MTARC2: variants seen among roughly 807,000 people sequenced by gnomAD.
The protein encoded by MTARC2 is mitochondrial amidoxime reducing component 2.
A neutral mutation model predicts 35.6 loss-of-function variants in MTARC2; 27 were observed. The observed-to-expected ratio is 0.76, with a 90% CI of 0.56 to 1.04. The LOEUF (loss-of-function observed/expected upper bound fraction) is 1.04, where lower values mean the gene tolerates loss of function less well. MTARC2 is among the 50% of genes least tolerant of loss of function. MTARC2 has a pLI of 0.00. For synonymous variants in MTARC2, 158 were observed against 167.1 expected, an observed-to-expected ratio of 0.95 and a Z score of 0.42; for missense variants, 412 against 432.5, an observed-to-expected ratio of 0.95 and a Z score of 0.42.
At chr1:220,762,471 G>GT (rs1367273025) in intron 3 of MTARC2, among the ~76,000 whole-genome samples, 1 of 152,202 alleles carries the variant, frequency 6.6e-6, no homozygotes, top group Non-Finnish European at 1.5e-5. Context: ...GAGGGCAGGG[G>GT]TTTTTATCTG....
intron 4 of MTARC2, among the ~76,000 whole-genome samples, chr1:220,777,269 T>C (rs1457813477): frequency 2.6e-5 from 4 of 152,154 alleles, no homozygotes; most frequent in Non-Finnish European, 1.5e-5. Context: ...TCATGCCCTG[T>C]AGGAGATTTC....
chr1:220,781,675 G>A (rs901409610), intron 6 of MTARC2, 103 bp from the exon 7 acceptor site: 5 of 1,212,780 alleles, frequency 4.1e-6, no homozygotes, highest in Non-Finnish European at 5.9e-6. Flanking sequence ...AATTCTTGCT[G>A]TGTATTTATA....
At chr1:220,772,826 G>T (rs1341701114) in intron 4 of MTARC2, among the ~76,000 whole-genome samples, 1 of 152,058 alleles carries the variant, frequency 6.6e-6, no homozygotes. Context: ...TTTGAAATAT[G>T]ACATTAAGGA....
In MTARC2 at chr1:220,748,712, T is replaced by A; in HGVS notation, c.181T>A (p.Trp61Arg). 6.3e-7 allele frequency: 1 copy of A among 1,598,190 alleles called. No individual in the cohort carries two copies. The highest frequency in any genetic ancestry group is 8.5e-7 in the Non-Finnish European group (1 of 1,172,826). ...LQQVGTVAKL[W>R]IYPVKSCKGV... is the part of the protein sequence containing the mutation. The stretch of plus-strand genomic sequence containing the variant: ...GCAGGTGGGCACCGTGGCGAAGCTC[T>A]GGATCTACCCGGTGAAATCCTGCAA... The change falls in exon 1 of 8, where the codon TGG becomes AGG. Residue 61 changes from tryptophan to arginine, a missense_variant. Coordinates refer to ENST00000366913, the MANE Select transcript of MTARC2 (RefSeq NM_017898.5).
intron 2 of MTARC2, among the ~76,000 whole-genome samples, 163 bp from the exon 3 acceptor site, chr1:220,761,495 C>T (rs1374316901): frequency 2.6e-5 from 4 of 152,240 alleles, no homozygotes; most frequent in African/African-American, 7.2e-5. Flanking sequence ...CCAGAGCACA[C>T]TCTACTCCTT....
At chr1:220,771,955 G>A (rs1349043976) in intron 4 of MTARC2, among the ~76,000 whole-genome samples, 7 of 152,086 alleles carry the variant, frequency 4.6e-5, no homozygotes, top group African/African-American at 1.7e-4. Context: ...CTATTAAAAG[G>A]TAGCCTGTGA....
At position 220,784,112 on chromosome 1, in the gene MTARC2, A is replaced by C. The variant is rs530456929; in HGVS notation, c.*225A>C. On this transcript the variant is annotated 3_prime_UTR_variant, in exon 8 of 8. Coordinates refer to ENST00000366913, the MANE Select transcript of MTARC2 (RefSeq NM_017898.5). ...GGGGGAATATGAAAGTATATATATAAATTTTAGGTACTGAAGGCTTTAAAA... is the reference window on the plus strand; with the variant it reads ...GGGGGAATATGAAAGTATATATATACATTTTAGGTACTGAAGGCTTTAAAA... The C allele has an allele frequency of 2.7e-5, 15 of 546,148 alleles. No homozygotes were observed. Among genetic ancestry groups the C allele is most frequent in the African/African-American group, 2.3e-4 (12 of 52,708 alleles). 33.8% of individuals were successfully genotyped at this position (546,148 alleles called of 1,614,324 possible). A position where few individuals can be genotyped will look rare whatever the true frequency, so the allele number is the denominator to read the frequency against.
At chr1:220,752,941 A>G (rs1025070347) in intron 1 of MTARC2, among the ~76,000 whole-genome samples, 5 of 151,718 alleles carry the variant, frequency 3.3e-5, no homozygotes, top group South Asian at 2.1e-4. Context: ...TGGGCTGGGC[A>G]CGGTGGCTCA....
At position 220,763,045 on chromosome 1, in the gene MTARC2, G is replaced by A. The variant is rs2102553034; in HGVS notation, c.745G>A (p.Glu249Lys). Residue 249 changes from glutamate to lysine, a missense_variant, in exon 4 of 8, where the codon GAG becomes AAG. Glu to Lys is a moderately conservative substitution (Grantham distance 56). Transcript: ENST00000366913. ...TGTGGTGACCGGCTGTGATGCTTTT[G>A]AGGAGGTAAGCGACCCACTGCTTTT... ...NIVVTGCDAF[E>K]EDTWDELLIG... 2 of 1,614,172 alleles carry A rather than the reference G, an allele frequency of 1.2e-6. No individual in the cohort carries two copies. Among genetic ancestry groups the A allele is most frequent in the East Asian group, 4.5e-5 (2 of 44,860 alleles).
At chr1:220,767,229 T>A (rs900146997) in intron 4 of MTARC2, among the ~76,000 whole-genome samples, 2 of 152,222 alleles carry the variant, frequency 1.3e-5, no homozygotes, top group African/African-American at 2.4e-5. Flanking sequence ...GTTAAAGGCC[T>A]AATGCATTAA....
rs1306540180 is a variant in MTARC2 at position 220,748,762 on chromosome 1, G to A, written c.231G>A (p.Glu77=). The A allele has an allele frequency of 1.1e-5, 17 of 1,600,430 alleles. No individual in the cohort carries two copies. Among genetic ancestry groups the A allele is most frequent in the Non-Finnish European group, 1.3e-5 (15 of 1,173,840 alleles). ...SCKGVPVSEA[E]CTAMGLRSGN... Reference sequence around the variant, plus strand: ...AAGGGGTGCCGGTGAGCGAGGCTGAGTGCACGGCCATGGGGCTGCGCAGCG... The same window carrying A: ...AAGGGGTGCCGGTGAGCGAGGCTGAATGCACGGCCATGGGGCTGCGCAGCG... The change falls in exon 1 of 8, where the codon GAG becomes GAA. Residue 77 remains glutamate, a synonymous_variant. Coordinates refer to ENST00000366913, the MANE Select transcript of MTARC2 (RefSeq NM_017898.5).
At chr1:220,782,430 C>T (rs1474927936) in intron 7 of MTARC2, among the ~76,000 whole-genome samples, 1 of 152,098 alleles carries the variant, frequency 6.6e-6, no homozygotes, top group Non-Finnish European at 1.5e-5. Context: ...TGACTGGGTC[C>T]TGAATCATGA....
At chr1:220,761,426 TG>T (rs1671432251) in intron 2 of MTARC2, among the ~76,000 whole-genome samples, 1 of 152,244 alleles carries the variant, frequency 6.6e-6, no homozygotes. Context: ...AACCAGAATC[TG>T]CATTCAAACA....
At chr1:220,758,191 G>A (rs1339950229) in intron 2 of MTARC2, among the ~76,000 whole-genome samples, 1 of 151,780 alleles carries the variant, frequency 6.6e-6, no homozygotes, top group Non-Finnish European at 1.5e-5. Flanking sequence ...CACCATGTTG[G>A]CTACCATGGT....
Position 220,754,920 on chromosome 1 carries a change from AGTGTGCCCTG to A in MTARC2, c.273-24_273-15del. 1.3e-6 allele frequency: 2 copies of A among 1,542,344 alleles called. No individual in the cohort carries two copies. The highest frequency in any genetic ancestry group is 1.8e-4 in the Middle Eastern group (1 of 5,484). On this transcript the variant is annotated splice_polypyrimidine_tract_variant and intron_variant, in intron 1 of 7. Coordinates refer to ENST00000366913, the MANE Select transcript of MTARC2 (RefSeq NM_017898.5). ...TTGGGAGGTGGAAGAGGATTTTCTG[AGTGTGCCCTG>A]GTTTGTTTCTCTGCAGGTTTTGGCT...
rs770394014 is a variant in MTARC2, at chr1:220,781,579, G to A, written c.885-199G>A. 3.3e-5 allele frequency among the ~76,000 whole-genome samples: 5 copies of A among 152,162 alleles called. No individual in the cohort carries two copies. The South Asian group carries it at 6.2e-4, about 19-fold the overall frequency. ...TAAACTGAAGCCATGGAGAAATTGC[G>A]TAGACTTTCAGGATACTTCTAGAAA... On this transcript the variant is annotated intron_variant, in intron 6 of 7. Transcript: ENST00000366913.
intron 1 of MTARC2, among the ~76,000 whole-genome samples, chr1:220,752,895 A>G (rs933154528): frequency 2.6e-5 from 4 of 151,814 alleles, no homozygotes; most frequent in African/African-American, 9.7e-5. Context: ...AAATGAATAA[A>G]TAATACACAT....
chr1:220,755,237 C>T (rs1281193164), intron 2 of MTARC2, 117 bp downstream of exon 2: 9 of 1,139,460 alleles, frequency 7.9e-6, no homozygotes, highest in Non-Finnish European at 1.1e-5. Context: ...GTAAAGGAAA[C>T]ATTTAAGAGA....
chr1:220,763,085 G>C, intron 4 of MTARC2, 35 bp downstream of exon 4: 1 of 1,614,112 alleles, frequency 6.2e-7, no homozygotes, highest in Non-Finnish European at 8.5e-7. Flanking sequence ...ATCATGCTCA[G>C]ATGTGCTGCT....
Sources: allele counts gnomAD v4.1 joint callset (sites outside exome capture counted in the v4.1 genomes callset), GRCh38; gene constraint gnomAD v4.1.1; transcripts MANE v1.5; gene names NCBI Gene and HGNC (gene_info 2026-07-23, HGNC 2026-07-21).